ADAMTS20: variants seen among roughly 807,000 people sequenced by gnomAD.
The protein encoded by ADAMTS20 is A disintegrin and metalloproteinase with thrombospondin motifs 20.
Under a neutral mutation model 260.1 loss-of-function variants are expected in ADAMTS20, and 225 were observed. The observed-to-expected ratio is 0.87, with a 90% confidence interval of 0.78 to 0.97. The LOEUF (loss-of-function observed/expected upper bound fraction) is 0.97, where lower values mean the gene tolerates loss of function less well. Among genes scored for constraint, ADAMTS20 ranks in the 50% least tolerant of loss-of-function variants. ADAMTS20 has a pLI of 0.00. For missense variants in ADAMTS20, 2,400 were observed against 2,337.7 expected, an observed-to-expected ratio of 1.03 and a Z score of -0.55; for synonymous variants, 802 against 769.5, an observed-to-expected ratio of 1.04 and a Z score of -0.70.
chr12:43,506,960 G>A (rs1942852677), intron 3 of ADAMTS20, among the ~76,000 whole-genome samples: 1 of 152,064 alleles, frequency 6.6e-6, no homozygotes, highest in African/African-American at 2.4e-5. Context: ...GGGGAGTGAG[G>A]GAAACGAGGA....
intron 36 of ADAMTS20, 127 bp downstream of exon 36, chr12:43,375,252 A>C: frequency 1.1e-6 from 1 of 945,900 alleles, no homozygotes. Context: ...TTTTAAAAAA[A>C]GTAAGTAATT....
chr12:43,424,911 C>T (rs1052782098), intron 28 of ADAMTS20, among the ~76,000 whole-genome samples: 1 of 151,674 alleles, frequency 6.6e-6, no homozygotes, highest in African/African-American at 2.4e-5. Context: ...AAAACACAAA[C>T]CAAGAGGGCC....
intron 14 of ADAMTS20, 150 bp from the exon 15 acceptor site, chr12:43,446,862 C>T (rs61925149): frequency 3.4e-5 from 21 of 617,532 alleles, no homozygotes; most frequent in Non-Finnish European, 4.8e-5. Flanking sequence ...ACTATGAACA[C>T]CTCTATGCAC....
At chr12:43,506,601 T>C (rs1013954631) in intron 3 of ADAMTS20, among the ~76,000 whole-genome samples, 1 of 151,906 alleles carries the variant, frequency 6.6e-6, no homozygotes, top group Non-Finnish European at 1.5e-5. Context: ...TGCCTCGGCC[T>C]CCTGAGTAGC....
At chr12:43,508,597 T>C (rs1380976468) in intron 3 of ADAMTS20, among the ~76,000 whole-genome samples, 1 of 143,890 alleles carries the variant, frequency 6.9e-6, no homozygotes, top group Non-Finnish European at 1.5e-5. Flanking sequence ...GTTTTCTTAA[T>C]TAAAATTTTT....
In ADAMTS20 at chr12:43,551,413, ACG is replaced by A; in HGVS notation, c.92-145_92-144del. 2.1e-5 allele frequency: 25 copies of A among 1,201,110 alleles called. No homozygotes were observed. Among genetic ancestry groups the A allele is most frequent in the Middle Eastern group, 4.0e-4 (2 of 4,946 alleles). The allele number at this position is 1,201,110 out of a possible 1,614,324, so 74.4% of individuals were successfully genotyped here. On this transcript the variant is annotated intron_variant, in intron 1 of 38. Coordinates refer to ENST00000389420, the MANE Select transcript of ADAMTS20 (RefSeq NM_025003.5). This position sits in a 1 kb window ranked among gnomAD's most constrained non-coding sequence, Gnocchi z 4.6. ...GACAAATGCACACATGCTGATGCGC[ACG>A]CACACACACACACGTGCACTGGGAC...
rs1319263010 is a variant in ADAMTS20 at position 43,460,995 on chromosome 12, T to A, written c.1614+1900A>T. On this transcript the variant is annotated intron_variant, in intron 11 of 38. Coordinates refer to ENST00000389420, the MANE Select transcript of ADAMTS20 (RefSeq NM_025003.5). ...ATATATATATATATATATATTTTTT[T>A]TTTTTTTTTTTTTTTTGAGACGAAG... Among the ~76,000 whole-genome samples, 68 of 101,342 alleles carry A rather than the reference T, an allele frequency of 6.7e-4. 1 individual carries two copies. Among genetic ancestry groups the A allele is most frequent in the African/African-American group, 1.3e-3 (37 of 27,974 alleles). The allele number at this position is 101,342 out of a possible 152,430, so 66.5% of individuals were successfully genotyped here.
At chr12:43,449,232 C>T (rs1941818989) in intron 14 of ADAMTS20, among the ~76,000 whole-genome samples, 1 of 152,016 alleles carries the variant, frequency 6.6e-6, no homozygotes, top group Non-Finnish European at 1.5e-5. Context: ...ATGAAATGAA[C>T]CTAAGTGTCC....
chr12:43,360,909 G>A (rs777435644), intron 37 of ADAMTS20, among the ~76,000 whole-genome samples: 1 of 152,160 alleles, frequency 6.6e-6, no homozygotes, highest in Non-Finnish European at 1.5e-5. Context: ...AAGACCCACT[G>A]ACATTAGCCG....
At position 43,502,180 on chromosome 12, in the gene ADAMTS20, T is replaced by G; in HGVS notation, c.839A>C (p.Gln280Pro). 1 of 1,605,498 alleles carries G rather than the reference T, an allele frequency of 6.2e-7. No individual in the cohort carries two copies. The highest frequency in any genetic ancestry group is 8.5e-7 in the Non-Finnish European group (1 of 1,176,434). The part of the protein sequence containing the change: ...KVVSAHGSNL[Q>P]NYILTLMSIV... ...TGACATTAGAGTCAGTATATAGTTT[T>G]GCAAATTCGATCCATGAGCAGAAAC... The change falls in exon 4 of 39, where the codon CAA (glutamine) becomes CCA (proline). Residue 280 changes from glutamine to proline, a missense_variant. By Grantham distance (76) the Gln-to-Pro change is moderately conservative. Transcript: ENST00000389420.
intron 28 of ADAMTS20, among the ~76,000 whole-genome samples, chr12:43,410,589 G>C (rs1941013058): frequency 6.6e-6 from 1 of 152,196 alleles, no homozygotes. Flanking sequence ...ATAAAAGGGA[G>C]TCAATAGGTA....
At chr12:43,454,455 G>A (rs921410379) in intron 11 of ADAMTS20, among the ~76,000 whole-genome samples, 9 of 151,760 alleles carry the variant, frequency 5.9e-5, no homozygotes, top group Non-Finnish European at 7.4e-5. Flanking sequence ...TATTCTATCC[G>A]AAGTCTCAAA....
chr12:43,407,234 T>C (rs1940935769), intron 28 of ADAMTS20, among the ~76,000 whole-genome samples: 1 of 151,872 alleles, frequency 6.6e-6, no homozygotes, highest in Admixed American at 6.6e-5. Context: ...ATCAGATTAA[T>C]TTGCAAATAT....
chr12:43,471,981 A>G (rs1294219665), intron 7 of ADAMTS20, among the ~76,000 whole-genome samples: 1 of 151,878 alleles, frequency 6.6e-6, no homozygotes, highest in Non-Finnish European at 1.5e-5. Flanking sequence ...ACAAAGCTGG[A>G]TGGAGAATGA....
At chr12:43,524,668 A>G (rs1451777659) in intron 3 of ADAMTS20, among the ~76,000 whole-genome samples, 1 of 152,228 alleles carries the variant, frequency 6.6e-6, no homozygotes, top group Non-Finnish European at 1.5e-5. Flanking sequence ...AAGAAAAATC[A>G]ATCAGAACTT....
At chr12:43,396,443 T>C (rs1290083912) in intron 29 of ADAMTS20, among the ~76,000 whole-genome samples, 2 of 152,172 alleles carry the variant, frequency 1.3e-5, no homozygotes, top group African/African-American at 4.8e-5. Context: ...TACGCTTCTG[T>C]TTAATACATT....
intron 3 of ADAMTS20, among the ~76,000 whole-genome samples, chr12:43,518,967 C>T (rs1006851976): frequency 1.3e-5 from 2 of 152,096 alleles, no homozygotes; most frequent in African/African-American, 4.8e-5. Context: ...CAGCACCTCA[C>T]CACTTCTTAA....
chr12:43,428,106 C>CT (rs1941366895), intron 26 of ADAMTS20, 135 bp downstream of exon 26: 1 of 930,858 alleles, frequency 1.1e-6, no homozygotes, highest in East Asian at 2.6e-5. Flanking sequence ...GACGCTTAAT[C>CT]TTTTTAATAT....
intron 3 of ADAMTS20, among the ~76,000 whole-genome samples, chr12:43,518,235 T>A (rs142769218): frequency 7.2e-5 from 11 of 152,140 alleles, no homozygotes; most frequent in African/African-American, 1.9e-4. Flanking sequence ...GTTTTACTTA[T>A]GCAAATATTC....
Sources: allele counts gnomAD v4.1 joint callset (sites outside exome capture counted in the v4.1 genomes callset), GRCh38; gene constraint gnomAD v4.1.1; non-coding constraint Gnocchi (gnomAD v3.1); transcripts MANE v1.5; gene names NCBI Gene and HGNC (gene_info 2026-07-23, HGNC 2026-07-21).